The following KCNJ1 variants were observed in gnomAD, a reference collection of about 807,000 sequenced individuals.
KCNJ1 encodes ATP-sensitive inward rectifier potassium channel 1.
A neutral mutation model predicts 21.9 loss-of-function variants in KCNJ1; 24 were observed. The ratio of observed to expected loss-of-function variants is 1.10; its 90% CI spans 0.79 to 1.54. KCNJ1 has a LOEUF of 1.54. Among genes scored for constraint, KCNJ1 ranks in the 40% most tolerant of loss-of-function variants. The pLI is 0.00. For missense variants in KCNJ1, 457 were observed against 455.4 expected (o/e 1.00, Z -0.03); for synonymous variants, 152 against 160.9 (o/e 0.94, Z 0.42).
chr11:128,838,735 T>C lies in KCNJ1; in HGVS notation c.*390A>G, dbSNP rs1363867414. On this transcript the variant is annotated 3_prime_UTR_variant, in exon 3 of 3. Coordinates refer to ENST00000392666, the MANE Select transcript of KCNJ1 (RefSeq NM_153766.3). ...TATCAGTAGAATCAAAATGAGATTA[T>C]TATTGTCCCCTGATCCTTTCTAAAG... The C allele has an allele frequency of 5.4e-6, 1 of 184,998 alleles. No individual in the cohort carries two copies. The highest frequency in any genetic ancestry group is 1.1e-5 in the Non-Finnish European group (1 of 88,102). The allele number at this position is 184,998 out of a possible 1,614,324, so 11.5% of individuals were successfully genotyped here.
intron 1 of KCNJ1, among the ~76,000 whole-genome samples, chr11:128,854,385 G>A (rs1423815661): frequency 3.3e-5 from 5 of 152,110 alleles, no homozygotes; most frequent in Non-Finnish European, 5.9e-5. Context: ...ATTTGAGCCA[G>A]CCCCTCCAGA....
chr11:128,848,520 T>G (rs1264271939), intron 2 of KCNJ1, among the ~76,000 whole-genome samples: 1 of 152,282 alleles, frequency 6.6e-6, no homozygotes, highest in South Asian at 2.1e-4. Flanking sequence ...TTTCCTGTTG[T>G]TCTTCATAAT....
At chr11:128,864,074 C>CTTTTTTTTT (rs71472076) in intron 1 of KCNJ1, among the ~76,000 whole-genome samples, 3 of 86,682 alleles carry the variant, frequency 3.5e-5, no homozygotes, top group African/African-American at 9.7e-5. Flanking sequence ...CTTTTTCTCT[C>CTTTTTTTTT]TTTTTTTTTT....
intron 1 of KCNJ1, among the ~76,000 whole-genome samples, chr11:128,853,581 G>T (rs1943517858): frequency 6.6e-6 from 1 of 152,236 alleles, no homozygotes; most frequent in African/African-American, 2.4e-5. Flanking sequence ...TGATTGTAAT[G>T]ATGGCTGTGC....
intron 2 of KCNJ1, among the ~76,000 whole-genome samples, chr11:128,841,179 C>A (rs1393618712): frequency 2.0e-5 from 3 of 152,308 alleles, no homozygotes; most frequent in Middle Eastern, 3.4e-3. Context: ...AGTATGAGAG[C>A]CACCATCAAC....
rs996624024 is a variant in KCNJ1 at position 128,839,073 on chromosome 11, T to C, written c.*52A>G. 18 of 1,523,972 alleles carry C rather than the reference T, an allele frequency of 1.2e-5. No homozygotes were observed. In the African/African-American group the frequency reaches 2.3e-4, roughly 20 times the overall value. 94.4% of individuals were successfully genotyped at this position (1,523,972 alleles called of 1,614,324 possible). A position where few individuals can be genotyped will look rare whatever the true frequency, so the allele number is the denominator to read the frequency against. ...ATTGTTGACTGCTTCATAATGCTTC[T>C]AGGTACTAGGAGCTTTAGAGACTTT... On this transcript the variant is annotated 3_prime_UTR_variant, in exon 3 of 3. Transcript: ENST00000392666.
At chr11:128,849,059 T>C (rs1943437141) in intron 2 of KCNJ1, among the ~76,000 whole-genome samples, 1 of 152,196 alleles carries the variant, frequency 6.6e-6, no homozygotes. Flanking sequence ...AGTGGCATTC[T>C]GGGCCCCCAA....
chr11:128,853,730 G>A (rs931387300), intron 1 of KCNJ1, among the ~76,000 whole-genome samples: 9 of 152,142 alleles, frequency 5.9e-5, no homozygotes, highest in South Asian at 2.1e-4. Context: ...AGTCGCGACC[G>A]ACTTCCCCTC....
At chr11:128,852,485 G>C (rs1482952433) in intron 1 of KCNJ1, among the ~76,000 whole-genome samples, 1 of 152,202 alleles carries the variant, frequency 6.6e-6, no homozygotes, top group African/African-American at 2.4e-5. Flanking sequence ...CTTGGGTTCT[G>C]CCAAGCCATC....
In KCNJ1 at chr11:128,839,826, G is replaced by T. The variant is rs892013110; in HGVS notation, c.418C>A (p.Leu140Met). ...CCAAGTATAGACTGAAAGATAAGCAGAAAAATGGCAGTGGCACACTGTTCT... is the reference window on the plus strand; with the variant it reads ...CCAAGTATAGACTGAAAGATAAGCATAAAAATGGCAGTGGCACACTGTTCT... ...VTEQCATAIF[L>M]LIFQSILGVI... is the part of the protein sequence containing the mutation. Residue 140 changes from leucine to methionine, a missense_variant, in exon 3 of 3, where the codon CTG (leucine) becomes ATG (methionine). Coordinates refer to ENST00000392666, the MANE Select transcript of KCNJ1 (RefSeq NM_153766.3). 6 of 1,614,018 alleles carry T rather than the reference G, an allele frequency of 3.7e-6. No individual in the cohort carries two copies. The African/African-American group carries it at 8.0e-5, about 22-fold the overall frequency.
At chr11:128,844,366 C>A (rs1007199946) in intron 2 of KCNJ1, among the ~76,000 whole-genome samples, 1 of 152,184 alleles carries the variant, frequency 6.6e-6, no homozygotes, top group Non-Finnish European at 1.5e-5. Flanking sequence ...CTTGGTGTAC[C>A]ATTTGACAGG....
In KCNJ1 at chr11:128,840,012, G is replaced by T. The variant is rs1482432016; in HGVS notation, c.232C>A (p.Leu78Ile). 1 of 1,613,860 alleles carries T rather than the reference G, an allele frequency of 6.2e-7. No individual in the cohort carries two copies. The highest frequency in any genetic ancestry group is 8.5e-7 in the Non-Finnish European group (1 of 1,179,974). Residue 78 changes from leucine to isoleucine, a missense_variant, in exon 3 of 3, where the codon CTC (leucine) becomes ATC (isoleucine). By Grantham distance (5) the Leu-to-Ile change is conservative. Coordinates refer to ENST00000392666, the MANE Select transcript of KCNJ1 (RefSeq NM_153766.3). ...ATGTACGCTACTGCATACCACAGGAGACCAAAGAAAAACCAACTCCCCAAG... is the reference window on the plus strand; with the variant it reads ...ATGTACGCTACTGCATACCACAGGATACCAAAGAAAAACCAACTCCCCAAG... The part of the protein sequence containing the change: ...AFLGSWFFFG[L>I]LWYAVAYIHK...
rs527814194 is a variant in KCNJ1, at chr11:128,860,167, A to G, written c.-192+7006T>C. 7.9e-5 allele frequency among the ~76,000 whole-genome samples: 12 copies of G among 152,340 alleles called. No individual in the cohort carries two copies. In the East Asian group the frequency reaches 1.5e-3, roughly 20 times the overall value. On this transcript the variant is annotated intron_variant, in intron 1 of 2. Transcript: ENST00000392666. ...TCATCTGTCAGATGACAATGATGCT[A>G]TCTACTTCCCAGGGCCATCGTTCAG...
chr11:128,839,480 T>C lies in KCNJ1; in HGVS notation c.764A>G (p.His255Arg). 1 of 1,614,244 alleles carries C rather than the reference T, an allele frequency of 6.2e-7. No homozygotes were observed. Residue 255 changes from histidine (H) to arginine (R), a missense_variant, in exon 3 of 3, where the codon CAC becomes CGC. Transcript: ENST00000392666. ...SPLTIYHVID[H>R]NSPFFHMAAE... ...TGCCATGTGGAAGAAAGGGCTGTTG[T>C]GATCAATGACATGGTAAATTGTCAA...
Position 128,842,561 on chromosome 11 carries a change from T to C in KCNJ1, c.-21-2297A>G. 6.0e-6 allele frequency: 9 copies of C among 1,506,580 alleles called. No individual in the cohort carries two copies. In the Admixed American group the frequency reaches 1.7e-4, roughly 29 times the overall value. The allele number at this position is 1,506,580 out of a possible 1,614,324, so 93.3% of individuals were successfully genotyped here. A position where few individuals can be genotyped will look rare whatever the true frequency, so the allele number is the denominator to read the frequency against. On this transcript the variant is annotated intron_variant, in intron 2 of 2. Coordinates refer to ENST00000392666, the MANE Select transcript of KCNJ1 (RefSeq NM_153766.3). The stretch of plus-strand genomic sequence containing the variant: ...AACTTGGAAACACTTAATTTGATAG[T>C]GGAGTCGTGTGATTTAAACCAAGGC...
chr11:128,866,292 C>T (rs548679872), intron 1 of KCNJ1, among the ~76,000 whole-genome samples: 1 of 152,262 alleles, frequency 6.6e-6, no homozygotes, highest in East Asian at 1.9e-4. Context: ...AACTAATAAT[C>T]CAGGTACAAC....
chr11:128,846,455 A>G (rs1229399771), intron 2 of KCNJ1, among the ~76,000 whole-genome samples: 1 of 152,158 alleles, frequency 6.6e-6, no homozygotes, highest in Non-Finnish European at 1.5e-5. Flanking sequence ...CCTGGAGCGA[A>G]ATGGGCCATA....
Position 128,862,252 on chromosome 11 carries a change from ACT to A in KCNJ1, c.-192+4919_-192+4920del, listed in dbSNP as rs1199584162. ...CCGAGTGCGGCACGGGGTTTTCTCCACTCTCTGGCAGCCTCCGTCCCCAGCAG... is the reference window on the plus strand; with the variant it reads ...CCGAGTGCGGCACGGGGTTTTCTCCACTCTGGCAGCCTCCGTCCCCAGCAG... On this transcript the variant is annotated intron_variant, in intron 1 of 2. Transcript: ENST00000392666. Among the ~76,000 whole-genome samples the A allele has an allele frequency of 3.9e-5, 6 of 152,142 alleles. No individual in the cohort carries two copies. The East Asian group carries it at 1.2e-3, about 29-fold the overall frequency.
chr11:128,863,566 G>C (rs763292678), intron 1 of KCNJ1, among the ~76,000 whole-genome samples: 1 of 152,196 alleles, frequency 6.6e-6, no homozygotes, highest in Non-Finnish European at 1.5e-5. Context: ...GGAAAATTCA[G>C]ATTTACATTT....
Sources: gnomAD v4.1 joint callset for allele counts (sites outside exome capture counted in the v4.1 genomes callset) on GRCh38, gnomAD v4.1.1 for gene constraint, MANE v1.5 for transcripts, NCBI Gene and HGNC (gene_info 2026-07-23, HGNC 2026-07-21) for gene names.